FAT3: variants seen among roughly 807,000 people sequenced by gnomAD.
FAT3 encodes the protein FAT atypical cadherin 3, also known as protocadherin Fat 3.
In FAT3, 95 loss-of-function variants were observed where a neutral mutation model predicts 310.2. The ratio of observed to expected loss-of-function variants is 0.31; its 90% confidence interval spans 0.26 to 0.36. The LOEUF is 0.36. Among genes scored for constraint, FAT3 ranks in the 10% least tolerant of loss-of-function variants. The pLI, the probability that FAT3 is intolerant of heterozygous loss-of-function variation, is 1.00. For missense variants in FAT3, 5,408 were observed against 5,715.6 expected (o/e 0.95, Z 1.74); for synonymous variants, 2,314 against 2,192.9 (o/e 1.06, Z -1.54).
At position 92,883,314 on chromosome 11, in the gene FAT3, C is replaced by T. The variant is rs1475027666; in HGVS notation, c.12858C>T (p.Ala4286=). Residue 4286 remains alanine, a synonymous_variant, in exon 24 of 28, where the codon GCC becomes GCT. Transcript: ENST00000525166. This position sits in a 1 kb window ranked among gnomAD's most constrained non-coding sequence, Gnocchi z 4.2. ...GGGGCGTGGTCGTGTGCAGTGTGGC[C>T]CCCAACCTCCCCGCCGTGTCACCCT... ...ARRGVVVCSV[A]PNLPAVSPCR... 1 of 1,611,586 alleles carries T rather than the reference C, an allele frequency of 6.2e-7. No individual in the cohort carries two copies. Among genetic ancestry groups the T allele is most frequent in the South Asian group, 1.1e-5 (1 of 91,020 alleles).
At chr11:92,782,772 A>T (rs1946786505) in intron 7 of FAT3, among the ~76,000 whole-genome samples, 1 of 152,152 alleles carries the variant, frequency 6.6e-6, no homozygotes, top group Non-Finnish European at 1.5e-5. Context: ...TCCTAAGGTT[A>T]GTCTTGACCT....
chr11:92,590,780 G>A (rs1440475776), intron 3 of FAT3, among the ~76,000 whole-genome samples: 5 of 152,112 alleles, frequency 3.3e-5, no homozygotes, highest in Non-Finnish European at 7.4e-5. Context: ...AGAAAAGAAG[G>A]AGATATGTGT....
At chr11:92,225,564 G>T (rs377608910) in intron 1 of FAT3, among the ~76,000 whole-genome samples, 1 of 152,262 alleles carries the variant, frequency 6.6e-6, no homozygotes. Flanking sequence ...GAGCCTGCTT[G>T]GCAGCCGGTG....
At chr11:92,697,333 A>C (rs1943972387) in intron 3 of FAT3, 51 bp from the exon 4 acceptor site, 3 of 1,555,458 alleles carry the variant, frequency 1.9e-6, no homozygotes, top group Non-Finnish European at 1.8e-6. Flanking sequence ...CACACTCAGT[A>C]AGCTGTTTGC....
chr11:92,774,848 C>T (rs545800968), intron 7 of FAT3, among the ~76,000 whole-genome samples: 2 of 152,234 alleles, frequency 1.3e-5, no homozygotes, highest in African/African-American at 4.8e-5. Flanking sequence ...GCAACCTAAG[C>T]GCATGTGAAA....
intron 4 of FAT3, among the ~76,000 whole-genome samples, chr11:92,708,031 A>T (rs1944409776): frequency 6.6e-6 from 1 of 152,240 alleles, no homozygotes; most frequent in Non-Finnish European, 1.5e-5. Context: ...TTTGTGGCAA[A>T]TTGGGAGCTA....
At chr11:92,227,934 A>G (rs1239289125) in intron 1 of FAT3, among the ~76,000 whole-genome samples, 1 of 138,930 alleles carries the variant, frequency 7.2e-6, no homozygotes, top group Non-Finnish European at 1.6e-5. Flanking sequence ...TTTTTTTTTT[A>G]ACATTTTACA....
intron 4 of FAT3, among the ~76,000 whole-genome samples, chr11:92,726,716 G>T (rs1197136800): frequency 1.3e-5 from 2 of 151,384 alleles, no homozygotes; most frequent in African/African-American, 2.4e-5. Flanking sequence ...AACAGCTAAA[G>T]AAATCTGAAA....
intron 2 of FAT3, among the ~76,000 whole-genome samples, chr11:92,496,417 A>C (rs1238531134): frequency 6.6e-6 from 1 of 151,978 alleles, no homozygotes; most frequent in East Asian, 1.9e-4. Flanking sequence ...CTTAGAAAAT[A>C]TCTTCTTCCA....
At chr11:92,696,894 AATT>A (rs1287203538) in intron 3 of FAT3, among the ~76,000 whole-genome samples, 2 of 152,216 alleles carry the variant, frequency 1.3e-5, no homozygotes, top group Non-Finnish European at 2.9e-5. Context: ...AATATGAAAT[AATT>A]ATGTGTACAA....
intron 2 of FAT3, among the ~76,000 whole-genome samples, chr11:92,389,210 G>A (rs1949694680): frequency 6.6e-6 from 1 of 152,156 alleles, no homozygotes. Context: ...GTCAGTTTGG[G>A]CTGCTTTAAC....
intron 4 of FAT3, among the ~76,000 whole-genome samples, chr11:92,699,090 C>T (rs1318846899): frequency 6.6e-6 from 1 of 152,214 alleles, no homozygotes; most frequent in African/African-American, 2.4e-5. Flanking sequence ...ACATCCTCTA[C>T]AGACTTACAT....
intron 22 of FAT3, among the ~76,000 whole-genome samples, chr11:92,878,672 C>A (rs1240584819): frequency 1.5e-5 from 1 of 67,318 alleles, no homozygotes. Flanking sequence ...AAAAAAGCTC[C>A]GCACAAAAAA....
Position 92,649,874 on chromosome 11 carries a change from C to CATGTATAT in FAT3, c.3608-47508_3608-47507insGTATATAT, listed in dbSNP as rs1300301742. On this transcript the variant is annotated intron_variant, in intron 3 of 27. Coordinates refer to ENST00000525166, the MANE Select transcript of FAT3 (RefSeq NM_001367949.2). ...TTGTTAAACACCCACTTTGTATGTTCATATATATATATATATATATATATA... is the reference window on the plus strand; with the variant it reads ...TTGTTAAACACCCACTTTGTATGTTCATGTATATATATATATATATATATATATATATA... 2.9e-3 allele frequency among the ~76,000 whole-genome samples: 146 copies of CATGTATAT among 49,632 alleles called. 6 individuals are homozygous for CATGTATAT. Among genetic ancestry groups the CATGTATAT allele is most frequent in the African/African-American group, 0.011 (138 of 12,562 alleles). The allele number at this position is 49,632 out of a possible 152,430, so 32.6% of individuals were successfully genotyped here. A position where few individuals can be genotyped will look rare whatever the true frequency, so the allele number is the denominator to read the frequency against.
intron 4 of FAT3, among the ~76,000 whole-genome samples, chr11:92,707,599 C>T (rs1406186992): frequency 6.6e-6 from 1 of 152,278 alleles, no homozygotes; most frequent in Admixed American, 6.5e-5. Flanking sequence ...GAACTCCTGA[C>T]TGTGAATCCC....
At chr11:92,450,977 C>A (rs1282596281) in intron 2 of FAT3, among the ~76,000 whole-genome samples, 1 of 152,092 alleles carries the variant, frequency 6.6e-6, no homozygotes, top group Non-Finnish European at 1.5e-5. Context: ...AATTTAGTTT[C>A]AAGATAATTT....
chr11:92,344,999 T>G (rs779708751), intron 1 of FAT3, among the ~76,000 whole-genome samples: 2 of 152,160 alleles, frequency 1.3e-5, no homozygotes, highest in Non-Finnish European at 2.9e-5. Context: ...AAGTTCTACT[T>G]TAAGAAACCT....
At position 92,895,660 on chromosome 11, in the gene FAT3, G is replaced by C. The variant is rs1050633647; in HGVS notation, c.*4547G>C. 6.6e-6 allele frequency: 1 copy of C among 152,152 alleles called. No individual in the cohort carries two copies. Among genetic ancestry groups the C allele is most frequent in the Non-Finnish European group, 1.5e-5 (1 of 68,028 alleles). The allele number at this position is 152,152 out of a possible 1,614,324, so 9.4% of individuals were successfully genotyped here. On this transcript the variant is annotated 3_prime_UTR_variant, in exon 28 of 28. Transcript: ENST00000525166. Reference sequence around the variant, plus strand: ...CTACTGCATTTTGGGAGTGGCAAATGTGTTTGGAAATGGAAGCAGTTCTTT... The same window carrying C: ...CTACTGCATTTTGGGAGTGGCAAATCTGTTTGGAAATGGAAGCAGTTCTTT...
At chr11:92,456,708 C>T (rs1951502979) in intron 2 of FAT3, among the ~76,000 whole-genome samples, 1 of 152,048 alleles carries the variant, frequency 6.6e-6, no homozygotes, top group African/African-American at 2.4e-5. Flanking sequence ...TATTTTTGTA[C>T]TTAGTAAATT....
Sources: gnomAD v4.1 joint callset for allele counts (sites outside exome capture counted in the v4.1 genomes callset) on GRCh38, gnomAD v4.1.1 for gene constraint, Gnocchi (gnomAD v3.1) non-coding constraint, MANE v1.5 for transcripts, NCBI Gene and HGNC (gene_info 2026-07-23, HGNC 2026-07-21) for gene names.